The following SLC39A11 variants were observed in gnomAD, a reference collection of about 807,000 sequenced individuals.
SLC39A11 encodes zinc transporter ZIP11.
In SLC39A11, 33 loss-of-function variants were observed where a neutral mutation model predicts 36.1. That is an observed-to-expected ratio of 0.91 (90% CI 0.69 to 1.22). The LOEUF (loss-of-function observed/expected upper bound fraction) is 1.22. Ranked by LOEUF, SLC39A11 falls within the 50% of genes most tolerant of loss-of-function variation. The pLI, the probability that SLC39A11 is intolerant of heterozygous loss-of-function variation, is 0.00. For synonymous variants in SLC39A11, 166 were observed against 170.3 expected, an observed-to-expected ratio of 0.97 and a Z score of 0.20; for missense variants, 432 against 430.3, an observed-to-expected ratio of 1.00 and a Z score of -0.03.
Position 72,943,430 on chromosome 17 carries a change from T to C in SLC39A11, c.430+4322A>G, listed in dbSNP as rs1325462136. On this transcript the variant is annotated intron_variant, in intron 5 of 9. Coordinates refer to ENST00000255559, the MANE Select transcript of SLC39A11 (RefSeq NM_139177.4). ...TTCATTTTGCAAAACATGGCTTTGA[T>C]AATTGCATCAGATCTGCAAGGCTGT... is the stretch of plus-strand genomic sequence containing the variant. Among the ~76,000 whole-genome samples the C allele has an allele frequency of 2.6e-5, 4 of 152,254 alleles. No homozygotes were observed. The East Asian group carries it at 7.7e-4, about 29-fold the overall frequency.
At chr17:72,991,426 C>T (rs1363290886) in intron 4 of SLC39A11, among the ~76,000 whole-genome samples, 5 of 151,470 alleles carry the variant, frequency 3.3e-5, no homozygotes, top group East Asian at 3.9e-4. Context: ...GGCGTGATCT[C>T]GGCTCACCAC....
intron 5 of SLC39A11, among the ~76,000 whole-genome samples, chr17:72,907,274 G>C (rs1252232776): frequency 6.6e-6 from 1 of 152,188 alleles, no homozygotes; most frequent in Non-Finnish European, 1.5e-5. Context: ...CGCATCATTT[G>C]AGCTCAGGAG....
rs543364195 is a variant in SLC39A11 at position 72,715,147 on chromosome 17, G to A, written c.671+21503C>T. Among the ~76,000 whole-genome samples the A allele has an allele frequency of 5.3e-5, 8 of 152,292 alleles. No individual in the cohort carries two copies. In the East Asian group the frequency reaches 1.4e-3, roughly 26 times the overall value. On this transcript the variant is annotated intron_variant, in intron 7 of 9. Coordinates refer to ENST00000255559, the MANE Select transcript of SLC39A11 (RefSeq NM_139177.4). The stretch of plus-strand genomic sequence containing the variant: ...TCTCATGCACCCAGCCACGAAAGGG[G>A]CCCCGGGAGCCCGCGAGAGGCTCTC...
rs112967661 is a variant in SLC39A11, at chr17:72,727,243, G to T, written c.671+9407C>A. Among the ~76,000 whole-genome samples the T allele has an allele frequency of 6.4e-3, 978 of 152,330 alleles. 10 individuals are homozygous for T. The highest frequency in any genetic ancestry group is 0.022 in the African/African-American group (918 of 41,562). On this transcript the variant is annotated intron_variant, in intron 7 of 9. Transcript: ENST00000255559. Reference sequence around the variant, plus strand: ...CTCTCCAGAGAACATGTTCTTTGAAGTGACGATACAGCAGAAAGGAAAACC... The same window carrying T: ...CTCTCCAGAGAACATGTTCTTTGAATTGACGATACAGCAGAAAGGAAAACC...
chr17:72,998,844 C>T (rs149344206), intron 4 of SLC39A11, among the ~76,000 whole-genome samples: 90 of 152,304 alleles, frequency 5.9e-4, no homozygotes, highest in African/African-American at 2.1e-3. Flanking sequence ...AGAGGAGTCC[C>T]GTTCTGAGAG....
intron 6 of SLC39A11, among the ~76,000 whole-genome samples, chr17:72,831,864 C>T (rs2078298317): frequency 6.6e-6 from 1 of 152,196 alleles, no homozygotes; most frequent in South Asian, 2.1e-4. Context: ...AAGCAACAGT[C>T]TCCATGGCTG....
chr17:73,062,042 C>T (rs1156797005), intron 3 of SLC39A11, among the ~76,000 whole-genome samples: 1 of 151,994 alleles, frequency 6.6e-6, no homozygotes, highest in African/African-American at 2.4e-5. Context: ...CTCTTCATAC[C>T]ACAGACAAAA....
chr17:72,835,874 G>T (rs550357764), intron 6 of SLC39A11, among the ~76,000 whole-genome samples: 33 of 152,336 alleles, frequency 2.2e-4, no homozygotes, highest in African/African-American at 7.0e-4. Flanking sequence ...TACCTACCTA[G>T]TAAAGCATTT....
chr17:72,944,800 T>C (rs1341532752), intron 5 of SLC39A11, among the ~76,000 whole-genome samples: 3 of 152,160 alleles, frequency 2.0e-5, no homozygotes, highest in Non-Finnish European at 4.4e-5. Flanking sequence ...AAGAATGGGA[T>C]GGATCTATGA....
intron 7 of SLC39A11, among the ~76,000 whole-genome samples, chr17:72,688,076 C>T (rs958485247): frequency 1.3e-5 from 2 of 152,186 alleles, no homozygotes; most frequent in African/African-American, 4.8e-5. Flanking sequence ...CTTGAGCTGA[C>T]TGTCAAATGC....
intron 4 of SLC39A11, among the ~76,000 whole-genome samples, chr17:72,960,708 T>C (rs1284578008): frequency 1.3e-5 from 2 of 151,844 alleles, no homozygotes; most frequent in Non-Finnish European, 2.9e-5. Flanking sequence ...TCCCAGCTAC[T>C]AGGGAGGCAG....
intron 6 of SLC39A11, among the ~76,000 whole-genome samples, chr17:72,841,569 G>A (rs538444481): frequency 5.7e-4 from 87 of 152,226 alleles, no homozygotes; most frequent in Admixed American, 1.8e-3. Context: ...TCGGGGAGTC[G>A]GGGGAAAGTA....
intron 5 of SLC39A11, among the ~76,000 whole-genome samples, chr17:72,926,413 G>T (rs2084051617): frequency 6.6e-6 from 1 of 152,272 alleles, no homozygotes; most frequent in Middle Eastern, 3.4e-3. Flanking sequence ...GCAATATCAG[G>T]GATTGTGTTT....
At chr17:72,656,980 TAATAAATAAA>T (rs66485751) in intron 7 of SLC39A11, among the ~76,000 whole-genome samples, 5,832 of 150,776 alleles carry the variant, frequency 0.039, 125 homozygotes, top group Middle Eastern at 0.073. Context: ...TGTCTGTATA[TAATAAATAAA>T]AATAAATAAA....
At chr17:72,982,440 C>T (rs1295620883) in intron 4 of SLC39A11, among the ~76,000 whole-genome samples, 2 of 152,066 alleles carry the variant, frequency 1.3e-5, no homozygotes, top group East Asian at 1.9e-4. Flanking sequence ...GAATCTCCCC[C>T]CAAAAGTAAT....
chr17:72,681,688 A>T (rs554359648), intron 7 of SLC39A11, among the ~76,000 whole-genome samples: 1 of 152,172 alleles, frequency 6.6e-6, no homozygotes, highest in East Asian at 1.9e-4. Flanking sequence ...TTACATGTGG[A>T]TTTTCTTCTG....
chr17:72,722,272 G>A (rs948456544), intron 7 of SLC39A11, among the ~76,000 whole-genome samples: 1 of 152,054 alleles, frequency 6.6e-6, no homozygotes, highest in Non-Finnish European at 1.5e-5. Context: ...CTGCACACAG[G>A]GAAAGACAAC....
chr17:72,981,170 A>G (rs1039257969), intron 4 of SLC39A11, among the ~76,000 whole-genome samples: 8 of 152,336 alleles, frequency 5.3e-5, no homozygotes, highest in Admixed American at 2.0e-4. Context: ...TTTCACTTCA[A>G]TAAGGTAAGC....
At position 72,691,769 on chromosome 17, in the gene SLC39A11, TTCTC is replaced by T. The variant is rs1598357690; in HGVS notation, c.672-42505_672-42502del. ...TAGATGACTTTCATTTGGGAATGTTTTCTCTAAAACATTCCCAGAACCTTGCAAA... is the reference window on the plus strand; with the variant it reads ...TAGATGACTTTCATTTGGGAATGTTTTAAAACATTCCCAGAACCTTGCAAA... On this transcript the variant is annotated intron_variant, in intron 7 of 9. Coordinates refer to ENST00000255559, the MANE Select transcript of SLC39A11 (RefSeq NM_139177.4). Among the ~76,000 whole-genome samples, 37 of 152,270 alleles carry T rather than the reference TTCTC, an allele frequency of 2.4e-4. No individual in the cohort carries two copies. In the East Asian group the frequency reaches 7.1e-3, roughly 29 times the overall value.
Sources: allele counts gnomAD v4.1 joint callset (sites outside exome capture counted in the v4.1 genomes callset), GRCh38; gene constraint gnomAD v4.1.1; transcripts MANE v1.5; gene names NCBI Gene and HGNC (gene_info 2026-07-23, HGNC 2026-07-21).